TOX: variants seen among roughly 807,000 people sequenced by gnomAD.
The protein encoded by TOX is thymocyte selection associated high mobility group box.
A neutral mutation model predicts 53.7 loss-of-function variants in TOX; 11 were observed. The observed-to-expected ratio is 0.20, with a 90% confidence interval of 0.13 to 0.34. The LOEUF (loss-of-function observed/expected upper bound fraction) is 0.34, where lower values mean the gene tolerates loss of function less well. Ranked by LOEUF, TOX falls within the 10% of genes least tolerant of loss-of-function variation. The pLI is 1.00. For synonymous variants in TOX, 225 were observed against 245.3 expected, an observed-to-expected ratio of 0.92 and a Z score of 0.77; for missense variants, 570 against 664.6, an observed-to-expected ratio of 0.86 and a Z score of 1.56.
At chr8:58,847,010 C>T (rs1176415486) in intron 4 of TOX, among the ~76,000 whole-genome samples, 1 of 152,082 alleles carries the variant, frequency 6.6e-6, no homozygotes, top group African/African-American at 2.4e-5. Context: ...GATTTGTAGC[C>T]TGAACATACT....
intron 1 of TOX, among the ~76,000 whole-genome samples, chr8:58,992,396 T>C (rs1813471701): frequency 6.6e-6 from 1 of 152,208 alleles, no homozygotes; most frequent in South Asian, 2.1e-4. Flanking sequence ...TTTCCTTATA[T>C]AGGCACAGGA....
At chr8:58,827,691 T>G (rs889154570) in intron 5 of TOX, among the ~76,000 whole-genome samples, 1 of 152,094 alleles carries the variant, frequency 6.6e-6, no homozygotes, top group African/African-American at 2.4e-5. Flanking sequence ...AGCAAAATCA[T>G]CCTAAATTGA....
At chr8:58,820,582 C>T (rs1466121879) in intron 6 of TOX, among the ~76,000 whole-genome samples, 1 of 152,224 alleles carries the variant, frequency 6.6e-6, no homozygotes, top group East Asian at 1.9e-4. Flanking sequence ...AACTCTTTGT[C>T]TTTTGATGGT....
intron 1 of TOX, among the ~76,000 whole-genome samples, chr8:59,055,776 T>C (rs2129421591): frequency 6.6e-6 from 1 of 152,274 alleles, no homozygotes; most frequent in African/African-American, 2.4e-5. Flanking sequence ...AAACTCTCTC[T>C]AAAGCTCTGA....
chr8:59,074,775 A>G (rs1346849693), intron 1 of TOX, among the ~76,000 whole-genome samples: 1 of 152,206 alleles, frequency 6.6e-6, no homozygotes, highest in African/African-American at 2.4e-5. Flanking sequence ...AAGGAGCGAC[A>G]GCAGCGTGGA....
At chr8:58,995,368 G>A (rs1180582281) in intron 1 of TOX, among the ~76,000 whole-genome samples, 6 of 152,148 alleles carry the variant, frequency 3.9e-5, no homozygotes, top group Non-Finnish European at 7.3e-5. Context: ...TTTCTGCTTA[G>A]GAATCCCAAA....
chr8:58,986,883 G>A (rs1253445660), intron 1 of TOX, among the ~76,000 whole-genome samples: 3 of 152,220 alleles, frequency 2.0e-5, no homozygotes, highest in Non-Finnish European at 4.4e-5. Context: ...AGAGAAGCAA[G>A]CTTCCTGCAG....
At chr8:59,022,274 T>C (rs771155610) in intron 1 of TOX, among the ~76,000 whole-genome samples, 1 of 152,174 alleles carries the variant, frequency 6.6e-6, no homozygotes, top group Non-Finnish European at 1.5e-5. Flanking sequence ...TTTAAACTCA[T>C]TCATTTTCAT....
intron 3 of TOX, among the ~76,000 whole-genome samples, chr8:58,932,969 G>A (rs1265920979): frequency 2.0e-5 from 3 of 152,082 alleles, no homozygotes; most frequent in African/African-American, 7.2e-5. Context: ...CAATTTTATT[G>A]CCTTTTAACA....
intron 3 of TOX, among the ~76,000 whole-genome samples, chr8:58,927,792 G>T (rs1355031608): frequency 1.3e-5 from 2 of 152,134 alleles, no homozygotes; most frequent in Non-Finnish European, 2.9e-5. Flanking sequence ...TGCTCGGAGG[G>T]CTTCAGATGC....
At chr8:58,939,087 C>T (rs1266587591) in intron 3 of TOX, among the ~76,000 whole-genome samples, 2 of 152,134 alleles carry the variant, frequency 1.3e-5, no homozygotes, top group African/African-American at 2.4e-5. Flanking sequence ...GTCATAAATA[C>T]GAGTGACTGC....
chr8:58,902,456 G>A (rs1473525066), intron 3 of TOX, among the ~76,000 whole-genome samples: 1 of 152,140 alleles, frequency 6.6e-6, no homozygotes, highest in Admixed American at 6.5e-5. Context: ...AAAATCTCTG[G>A]AAATTGAGTG....
chr8:58,891,342 G>A (rs1326377097), intron 3 of TOX, among the ~76,000 whole-genome samples: 1 of 152,122 alleles, frequency 6.6e-6, no homozygotes, highest in African/African-American at 2.4e-5. Context: ...GGGAATAAAA[G>A]AAAATAAAGA....
Position 58,939,157 on chromosome 8 carries a change from T to C in TOX, c.411+145A>G, listed in dbSNP as rs1322328083. ...ATAAAATAGAACATTGCTTTAGAAA[T>C]GTGTATGATTTATAAATAACTGTCT... On this transcript the variant is annotated intron_variant, in intron 3 of 8. Coordinates refer to ENST00000361421, the MANE Select transcript of TOX (RefSeq NM_014729.3). The C allele has an allele frequency of 3.7e-6, 4 of 1,075,710 alleles. No individual in the cohort carries two copies. In the African/African-American group the frequency reaches 4.8e-5, roughly 13 times the overall value. 66.6% of individuals were successfully genotyped at this position (1,075,710 alleles called of 1,614,324 possible).
intron 2 of TOX, among the ~76,000 whole-genome samples, chr8:58,957,202 T>G (rs1234613864): frequency 6.6e-6 from 1 of 152,214 alleles, no homozygotes; most frequent in Non-Finnish European, 1.5e-5. Flanking sequence ...AATCTTGAAT[T>G]GCTGGTTCCA....
chr8:58,981,970 C>T (rs1813213798), intron 1 of TOX, among the ~76,000 whole-genome samples: 1 of 152,106 alleles, frequency 6.6e-6, no homozygotes, highest in Non-Finnish European at 1.5e-5. Flanking sequence ...CAAAACAAAA[C>T]AAAATGAAAC....
chr8:58,998,601 T>TTATTTAATAAATTTA (rs199962273), intron 1 of TOX, among the ~76,000 whole-genome samples: 1 of 95,358 alleles, frequency 1.0e-5, no homozygotes, highest in African/African-American at 4.0e-5. Context: ...TGTAATAAAT[T>TTATTTAATAAATTTA]TATGTAATAA....
chr8:58,946,559 C>A (rs966453860), intron 2 of TOX, among the ~76,000 whole-genome samples: 1 of 152,128 alleles, frequency 6.6e-6, no homozygotes, highest in African/African-American at 2.4e-5. Flanking sequence ...AGCCAATGAT[C>A]CTGCAAACAA....
chr8:58,934,222 C>T lies in TOX; in HGVS notation c.411+5080G>A, dbSNP rs140526262. Among the ~76,000 whole-genome samples the T allele has an allele frequency of 3.7e-3, 565 of 152,236 alleles. 4 individuals carry two copies. The highest frequency in any genetic ancestry group is 5.8e-3 in the Non-Finnish European group (394 of 68,010). ...AAGAGGGACTTCAGGAAAATGGAAT[C>T]CTTTTCAAAGTGCCAGAAATTTAAC... On this transcript the variant is annotated intron_variant, in intron 3 of 8. Coordinates refer to ENST00000361421, the MANE Select transcript of TOX (RefSeq NM_014729.3).
Sources: gnomAD v4.1 joint callset for allele counts (sites outside exome capture counted in the v4.1 genomes callset) on GRCh38, gnomAD v4.1.1 for gene constraint, MANE v1.5 for transcripts, NCBI Gene and HGNC (gene_info 2026-07-23, HGNC 2026-07-21) for gene names.